Variants in SNX29 observed in about 807,000 individuals in gnomAD.
The protein encoded by SNX29 is sorting nexin 29.
SNX29 carries 78 observed loss-of-function variants against 102.1 expected under a neutral mutation model. The ratio of observed to expected loss-of-function variants is 0.76; its 90% CI spans 0.64 to 0.92. The LOEUF (loss-of-function observed/expected upper bound fraction) is 0.92, where lower values mean the gene tolerates loss of function less well. Ranked by LOEUF, SNX29 falls within the 40% of genes least tolerant of loss-of-function variation. The pLI, the probability that SNX29 is intolerant of heterozygous loss-of-function variation, is 0.00. For synonymous variants in SNX29, 580 were observed against 414.5 expected, an observed-to-expected ratio of 1.40 and a Z score of -4.85; for missense variants, 1,280 against 1,061.7, an observed-to-expected ratio of 1.21 and a Z score of -2.86.
At chr16:12,075,407 T>C (rs904001428) in intron 10 of SNX29, among the ~76,000 whole-genome samples, 9 of 152,240 alleles carry the variant, frequency 5.9e-5, no homozygotes, top group African/African-American at 1.9e-4. Flanking sequence ...CTGCAGTCTG[T>C]TGGAGTTTGC....
chr16:12,234,928 TTA>T (rs1251462927), intron 14 of SNX29, among the ~76,000 whole-genome samples: 1 of 151,782 alleles, frequency 6.6e-6, no homozygotes, highest in Non-Finnish European at 1.5e-5. Flanking sequence ...TTCTTTGCCT[TTA>T]TGTTTCTCTC....
At chr16:12,535,573 C>T (rs746590033) in intron 20 of SNX29, among the ~76,000 whole-genome samples, 17 of 152,170 alleles carry the variant, frequency 1.1e-4, no homozygotes, top group Non-Finnish European at 1.9e-4. Flanking sequence ...GGAGTGTGAG[C>T]TGGGTATGCA....
At chr16:12,361,400 C>A (rs563301589) in intron 16 of SNX29, among the ~76,000 whole-genome samples, 1 of 152,344 alleles carries the variant, frequency 6.6e-6, no homozygotes, top group Admixed American at 6.5e-5. Context: ...GTGCATCATT[C>A]TCATTGTGGA....
At chr16:12,150,767 T>A (rs1295287125) in intron 13 of SNX29, among the ~76,000 whole-genome samples, 1 of 152,216 alleles carries the variant, frequency 6.6e-6, no homozygotes, top group Non-Finnish European at 1.5e-5. Flanking sequence ...TCACAGCCTG[T>A]GGTTTGGGTT....
At chr16:12,126,444 A>G (rs539301677) in intron 11 of SNX29, among the ~76,000 whole-genome samples, 189 bp from the exon 12 acceptor site, 44 of 152,366 alleles carry the variant, frequency 2.9e-4, no homozygotes, top group Non-Finnish European at 5.6e-4. Context: ...CTGACTTCAG[A>G]GACTGTGCTC....
chr16:12,195,075 A>G (rs2076740449), intron 13 of SNX29, among the ~76,000 whole-genome samples: 1 of 152,224 alleles, frequency 6.6e-6, no homozygotes. Context: ...GTGCAAATAT[A>G]TCCATGTAAA....
At position 12,434,376 on chromosome 16, in the gene SNX29, G is replaced by C. The variant is rs193230111; in HGVS notation, c.2037+30847G>C. ...TAAGATCAGAAACCTGGGCCCTGGGGACAGGCCTGTACCCTGAAAACTGCA... is the reference window on the plus strand; with the variant it reads ...TAAGATCAGAAACCTGGGCCCTGGGCACAGGCCTGTACCCTGAAAACTGCA... On this transcript the variant is annotated intron_variant, in intron 18 of 20. Transcript: ENST00000566228. Among the ~76,000 whole-genome samples the C allele has an allele frequency of 7.6e-4, 115 of 152,276 alleles. 1 individual carries two copies. The highest frequency in any genetic ancestry group is 1.1e-3 in the Non-Finnish European group (72 of 68,022).
At chr16:11,983,514 T>A (rs1325137180) in intron 1 of SNX29, 2 of 256,412 alleles carry the variant, frequency 7.8e-6, no homozygotes. Flanking sequence ...ATTTGTGGTT[T>A]TCATTCAAAG....
At chr16:12,039,545 C>T (rs951910138) in intron 4 of SNX29, among the ~76,000 whole-genome samples, 41 of 151,886 alleles carry the variant, frequency 2.7e-4, no homozygotes, top group Non-Finnish European at 2.9e-4. Flanking sequence ...TTTAACTAGC[C>T]TGCCATGCAG....
At chr16:12,558,595 C>G (rs931851674) in intron 20 of SNX29, among the ~76,000 whole-genome samples, 1 of 152,220 alleles carries the variant, frequency 6.6e-6, no homozygotes, top group Non-Finnish European at 1.5e-5. Flanking sequence ...CTGTCACTCT[C>G]TGCCACAGCT....
intron 13 of SNX29, among the ~76,000 whole-genome samples, chr16:12,145,622 G>A (rs1028399146): frequency 5.3e-5 from 8 of 152,088 alleles, no homozygotes; most frequent in African/African-American, 1.7e-4. Context: ...TATTTATGGG[G>A]CATTTTATTC....
intron 12 of SNX29, among the ~76,000 whole-genome samples, chr16:12,127,813 A>G (rs2054283929): frequency 6.6e-6 from 1 of 152,174 alleles, no homozygotes; most frequent in African/African-American, 2.4e-5. Context: ...TGCCCAAATC[A>G]GGGATACTTA....
intron 11 of SNX29, among the ~76,000 whole-genome samples, chr16:12,091,951 C>T (rs1264232159): frequency 6.6e-6 from 1 of 152,108 alleles, no homozygotes; most frequent in African/African-American, 2.4e-5. Flanking sequence ...AAAATCAGTC[C>T]CTGTCGTTCA....
At chr16:12,360,984 G>T (rs991796725) in intron 16 of SNX29, among the ~76,000 whole-genome samples, 2 of 152,192 alleles carry the variant, frequency 1.3e-5, no homozygotes, top group African/African-American at 4.8e-5. Context: ...CTAGAGAATT[G>T]CAGGAACGGG....
intron 10 of SNX29, among the ~76,000 whole-genome samples, chr16:12,070,987 G>T (rs1364579368): frequency 1.3e-5 from 2 of 152,030 alleles, no homozygotes; most frequent in East Asian, 3.9e-4. Context: ...AGAAGTGTCT[G>T]TTCATATCCT....
chr16:11,979,104 A>C (rs2055361858), intron 1 of SNX29, among the ~76,000 whole-genome samples: 1 of 150,884 alleles, frequency 6.6e-6, no homozygotes, highest in Non-Finnish European at 1.5e-5. Context: ...GTGAAATCCC[A>C]TCTCTACTAA....
At chr16:12,452,008 A>G (rs1384554726) in intron 18 of SNX29, among the ~76,000 whole-genome samples, 1 of 152,178 alleles carries the variant, frequency 6.6e-6, no homozygotes, top group East Asian at 1.9e-4. Flanking sequence ...CAGCTCTAGA[A>G]AGGGCCCATG....
At chr16:12,528,194 C>T (rs1397650220) in intron 20 of SNX29, among the ~76,000 whole-genome samples, 5 of 152,042 alleles carry the variant, frequency 3.3e-5, no homozygotes, top group African/African-American at 4.8e-5. Flanking sequence ...ATAAAAAAAT[C>T]CAGACGTCAA....
intron 11 of SNX29, among the ~76,000 whole-genome samples, chr16:12,094,156 C>T (rs908912304): frequency 5.3e-5 from 8 of 152,122 alleles, no homozygotes; most frequent in Non-Finnish European, 2.9e-5. Flanking sequence ...ACCCCTCTGA[C>T]ACAGTTGTGA....
Sources: allele counts gnomAD v4.1 joint callset (sites outside exome capture counted in the v4.1 genomes callset), GRCh38; gene constraint gnomAD v4.1.1; transcripts MANE v1.5; gene names NCBI Gene and HGNC (gene_info 2026-07-23, HGNC 2026-07-21).